Variants in AP3S1 observed in about 807,000 individuals in gnomAD.
AP3S1 encodes adaptor related protein complex 3 subunit sigma 1, also known as AP-3 complex subunit sigma-1.
Under a neutral mutation model 21.3 loss-of-function variants are expected in AP3S1, and 12 were observed. The observed-to-expected ratio is 0.56, with a 90% CI of 0.36 to 0.91. The LOEUF (loss-of-function observed/expected upper bound fraction) is 0.91, where lower values mean the gene tolerates loss of function less well. Ranked by LOEUF, AP3S1 falls within the 40% of genes least tolerant of loss-of-function variation. The pLI is 0.01. For missense variants in AP3S1, 116 were observed against 225.0 expected (o/e 0.52, Z 3.10); for synonymous variants, 48 against 78.4 (o/e 0.61, Z 2.05).
intron 5 of AP3S1, chr5:115,912,013 CTAT>C (rs1378357232): frequency 1.3e-5 from 2 of 151,858 alleles, no homozygotes; most frequent in African/African-American, 4.8e-5. Context: ...ACTAATTTTT[CTAT>C]TATTTCCAAT....
rs1201013929 is a variant in AP3S1, at chr5:115,841,963, G to C, written c.-75G>C. 1.3e-6 allele frequency: 2 copies of C among 1,505,138 alleles called. No homozygotes were observed. Among genetic ancestry groups the C allele is most frequent in the Non-Finnish European group, 1.8e-6 (2 of 1,122,642 alleles). The allele number at this position is 1,505,138 out of a possible 1,614,324, so 93.2% of individuals were successfully genotyped here. ...GGGCGGGTGGGGAAGGATCGCAGGCGAGATTACGAGGCGAGGCTCGCGCGC... is the reference window on the plus strand; with the variant it reads ...GGGCGGGTGGGGAAGGATCGCAGGCCAGATTACGAGGCGAGGCTCGCGCGC... On this transcript the variant is annotated 5_prime_UTR_variant, in exon 1 of 6. Coordinates refer to ENST00000316788, the MANE Select transcript of AP3S1 (RefSeq NM_001284.4).
At chr5:115,868,972 AGGGAGGGAGG>A (rs1747973174) in intron 2 of AP3S1, among the ~76,000 whole-genome samples, 2 of 5,356 alleles carry the variant, frequency 3.7e-4, no homozygotes, top group Non-Finnish European at 7.7e-4. Flanking sequence ...GGAGGGAGGG[AGGGAGGGAGG>A]GAGAGATGCC....
chr5:115,903,633 A>C (rs1751400224), intron 5 of AP3S1: 1 of 152,292 alleles, frequency 6.6e-6, no homozygotes, highest in Non-Finnish European at 1.5e-5. Flanking sequence ...ATACTTAGCT[A>C]ACTTTCTGCT....
chr5:115,867,525 A>G (rs1223929696), intron 2 of AP3S1, among the ~76,000 whole-genome samples: 1 of 152,164 alleles, frequency 6.6e-6, no homozygotes, highest in Non-Finnish European at 1.5e-5. Context: ...TGTATGATGG[A>G]TGAGAAATAC....
chr5:115,900,833 A>G (rs914021981), intron 4 of AP3S1, among the ~76,000 whole-genome samples: 1 of 152,170 alleles, frequency 6.6e-6, no homozygotes, highest in African/African-American at 2.4e-5. Flanking sequence ...CTGTTTCTGG[A>G]TCTTGATATG....
chr5:115,877,805 A>G (rs1267588759), intron 3 of AP3S1, among the ~76,000 whole-genome samples: 1 of 152,170 alleles, frequency 6.6e-6, no homozygotes, highest in African/African-American at 2.4e-5. Flanking sequence ...GAACTAATTT[A>G]CACTCCCACC....
At chr5:115,901,944 A>G (rs1307210158) in intron 4 of AP3S1, among the ~76,000 whole-genome samples, 1 of 152,236 alleles carries the variant, frequency 6.6e-6, no homozygotes, top group African/African-American at 2.4e-5. Flanking sequence ...AAATTACCGT[A>G]TAATACCTAG....
intron 3 of AP3S1, among the ~76,000 whole-genome samples, chr5:115,877,540 T>C (rs1170449577): frequency 6.6e-6 from 1 of 152,212 alleles, no homozygotes; most frequent in Admixed American, 6.5e-5. Flanking sequence ...CTCATCCTTT[T>C]TATGGCTGCA....
At chr5:115,912,893 A>G (rs1300870066) in intron 5 of AP3S1, among the ~76,000 whole-genome samples, 1 of 152,144 alleles carries the variant, frequency 6.6e-6, no homozygotes, top group East Asian at 1.9e-4. Context: ...GTTTATCCCT[A>G]AGAAATTAAA....
At chr5:115,898,861 G>A (rs1237939977) in intron 4 of AP3S1, 1 of 152,252 alleles carries the variant, frequency 6.6e-6, no homozygotes, top group African/African-American at 2.4e-5. Context: ...TACACTATAT[G>A]TTTATTGTGG....
At chr5:115,878,813 T>A (rs1748999988) in intron 3 of AP3S1, among the ~76,000 whole-genome samples, 1 of 152,224 alleles carries the variant, frequency 6.6e-6, no homozygotes, top group Admixed American at 6.5e-5. Context: ...ACGATACTGA[T>A]TCTTCCTATC....
chr5:115,904,751 A>C (rs1169674977), intron 5 of AP3S1, among the ~76,000 whole-genome samples: 1 of 152,196 alleles, frequency 6.6e-6, no homozygotes, highest in Admixed American at 6.5e-5. Flanking sequence ...ACCCTGAGCT[A>C]TTGCTTTTAA....
intron 5 of AP3S1, among the ~76,000 whole-genome samples, chr5:115,911,157 C>T (rs1280318285): frequency 6.6e-6 from 1 of 152,062 alleles, no homozygotes; most frequent in Non-Finnish European, 1.5e-5. Context: ...ACAACTCAAT[C>T]TAATGAAATT....
intron 3 of AP3S1, among the ~76,000 whole-genome samples, chr5:115,870,746 A>G (rs182971807): frequency 2.6e-5 from 4 of 152,284 alleles, no homozygotes; most frequent in East Asian, 1.9e-4. Flanking sequence ...AGTTATAGTC[A>G]TCACTCATCT....
At chr5:115,891,011 C>G (rs1750254319) in intron 3 of AP3S1, among the ~76,000 whole-genome samples, 1 of 152,186 alleles carries the variant, frequency 6.6e-6, no homozygotes, top group Admixed American at 6.5e-5. Context: ...TTACCCCATT[C>G]AGTCCTCATA....
chr5:115,897,330 T>G (rs895283234), intron 4 of AP3S1, among the ~76,000 whole-genome samples: 5 of 152,196 alleles, frequency 3.3e-5, no homozygotes, highest in African/African-American at 1.2e-4. Flanking sequence ...TTCTCTGGGC[T>G]AAGATCTTGT....
intron 1 of AP3S1, chr5:115,842,438 G>A (rs1761666108): frequency 4.3e-6 from 1 of 235,120 alleles, no homozygotes; most frequent in Admixed American, 5.9e-5. Context: ...CCGCGCCGCG[G>A]AGCCCTGCGC....
intron 1 of AP3S1, among the ~76,000 whole-genome samples, chr5:115,856,972 T>G (rs1762844514): frequency 6.6e-6 from 1 of 152,190 alleles, no homozygotes; most frequent in Non-Finnish European, 1.5e-5. Context: ...GTTCCTCCTT[T>G]TATTCCCACC....
intron 1 of AP3S1, among the ~76,000 whole-genome samples, chr5:115,853,360 G>A (rs1381181955): frequency 3.3e-5 from 5 of 152,130 alleles, no homozygotes; most frequent in Non-Finnish European, 7.4e-5. Context: ...TATACTCTAA[G>A]TGCAGATCCT....
Sources: gnomAD v4.1 joint callset for allele counts (sites outside exome capture counted in the v4.1 genomes callset) on GRCh38, gnomAD v4.1.1 for gene constraint, MANE v1.5 for transcripts, NCBI Gene and HGNC (gene_info 2026-07-23, HGNC 2026-07-21) for gene names.